Variants in GAS7 observed in about 807,000 individuals in gnomAD.
GAS7 encodes growth arrest-specific protein 7.
Under a neutral mutation model 71.1 loss-of-function variants are expected in GAS7, and 28 were observed. The ratio of observed to expected loss-of-function variants is 0.39; its 90% CI spans 0.29 to 0.54. The LOEUF (loss-of-function observed/expected upper bound fraction) is 0.54. Ranked by LOEUF, GAS7 falls within the 20% of genes least tolerant of loss-of-function variation. The pLI, the probability that GAS7 is intolerant of heterozygous loss-of-function variation, is 0.62. For synonymous variants in GAS7, 258 were observed against 245.8 expected, an observed-to-expected ratio of 1.05 and a Z score of -0.46; for missense variants, 436 against 627.8, an observed-to-expected ratio of 0.69 and a Z score of 3.27.
chr17:9,934,804 T>C (rs1044851643), intron 8 of GAS7, among the ~76,000 whole-genome samples: 17 of 152,360 alleles, frequency 1.1e-4, no homozygotes, highest in Non-Finnish European at 2.2e-4. Flanking sequence ...GGCGCGATCT[T>C]GGCTCATGGC....
intron 13 of GAS7, among the ~76,000 whole-genome samples, 195 bp from the exon 14 acceptor site, chr17:9,917,536 G>A (rs1473004683): frequency 2.0e-5 from 3 of 152,176 alleles, no homozygotes; most frequent in Non-Finnish European, 4.4e-5. Context: ...TATGCATCCC[G>A]ACCCTGCTTC....
At position 9,958,941 on chromosome 17, in the gene GAS7, G is replaced by GA. The variant is rs1056620830; in HGVS notation, c.525+260dup. 45 of 1,379,160 alleles carry GA rather than the reference G, an allele frequency of 3.3e-5. No individual in the cohort carries two copies. In the African/African-American group the frequency reaches 4.2e-4, roughly 13 times the overall value. 85.4% of individuals were successfully genotyped at this position (1,379,160 alleles called of 1,614,324 possible). A position where few individuals can be genotyped will look rare whatever the true frequency, so the allele number is the denominator to read the frequency against. ...CACGCATACCTTCCCCTCCTGCCCT[G>GA]AAAAAACGGCTTCTGCATCATCCCA... On this transcript the variant is annotated intron_variant, in intron 5 of 13. Transcript: ENST00000432992.
chr17:10,045,534 T>C (rs7224390), intron 1 of GAS7, among the ~76,000 whole-genome samples: 17,293 of 152,064 alleles, frequency 0.11, 1,159 homozygotes, highest in Middle Eastern at 0.17. Context: ...CCGTCTCTAC[T>C]AAAAATATAA....
intron 1 of GAS7, among the ~76,000 whole-genome samples, chr17:10,095,911 A>C (rs567336085): frequency 2.0e-5 from 3 of 152,166 alleles, no homozygotes; most frequent in African/African-American, 7.2e-5. Context: ...CTTCCTTTGC[A>C]GAATGACGTG....
At chr17:9,991,596 C>T (rs992927394) in intron 2 of GAS7, among the ~76,000 whole-genome samples, 14 of 152,004 alleles carry the variant, frequency 9.2e-5, no homozygotes, top group South Asian at 2.1e-4. Context: ...TTCGAAGGGT[C>T]GCAGGGAGTA....
At chr17:9,933,209 GAATA>G (rs979010622) in intron 9 of GAS7, among the ~76,000 whole-genome samples, 15 of 151,988 alleles carry the variant, frequency 9.9e-5, no homozygotes, top group Middle Eastern at 3.2e-3. Context: ...ATAAATAAAT[GAATA>G]AATAAATAAA....
At chr17:10,104,231 G>C (rs550434645) in intron 1 of GAS7, among the ~76,000 whole-genome samples, 6 of 152,034 alleles carry the variant, frequency 3.9e-5, no homozygotes, top group Non-Finnish European at 8.8e-5. Context: ...CCAAATCCAA[G>C]GGCATCTGTC....
intron 5 of GAS7, among the ~76,000 whole-genome samples, chr17:9,949,539 G>A (rs2068921654): frequency 6.6e-6 from 1 of 152,134 alleles, no homozygotes; most frequent in Non-Finnish European, 1.5e-5. Context: ...AGCTGCCAGG[G>A]CACAGACCTC....
intron 3 of GAS7, among the ~76,000 whole-genome samples, chr17:9,973,966 G>A (rs193168844): frequency 2.4e-4 from 36 of 152,220 alleles, no homozygotes; most frequent in African/African-American, 7.9e-4. Context: ...AGCTCCTGAG[G>A]AGACCCTGAC....
At chr17:10,091,053 G>A (rs2073576936) in intron 1 of GAS7, among the ~76,000 whole-genome samples, 2 of 152,076 alleles carry the variant, frequency 1.3e-5, no homozygotes, top group South Asian at 4.2e-4. Flanking sequence ...CCCCTACCAA[G>A]GGCCACGCAC....
intron 1 of GAS7, among the ~76,000 whole-genome samples, chr17:10,191,058 C>T (rs1401658139): frequency 6.6e-6 from 1 of 151,752 alleles, no homozygotes; most frequent in East Asian, 2.0e-4. Flanking sequence ...GCCCGTAATC[C>T]CAGCTACCCA....
At chr17:10,062,694 T>C in intron 1 of GAS7, among the ~76,000 whole-genome samples, 1 of 152,242 alleles carries the variant, frequency 6.6e-6, no homozygotes, top group East Asian at 1.9e-4. Flanking sequence ...CAGCTAATTC[T>C]GCTTTGCTGG....
At chr17:9,950,749 G>A (rs533505354) in intron 5 of GAS7, among the ~76,000 whole-genome samples, 14 of 152,110 alleles carry the variant, frequency 9.2e-5, no homozygotes, top group Non-Finnish European at 1.8e-4. Context: ...CCAGCTACTC[G>A]AGAGGCTGAG....
intron 1 of GAS7, among the ~76,000 whole-genome samples, chr17:10,187,484 G>A (rs4791935): frequency 0.45 from 67,690 of 151,960 alleles, 15,573 homozygotes; most frequent in African/African-American, 0.55. Context: ...AGCCCTGAAC[G>A]GCATTACTTA....
chr17:10,041,228 C>T (rs1474375516), intron 1 of GAS7, among the ~76,000 whole-genome samples: 2 of 151,826 alleles, frequency 1.3e-5, no homozygotes, highest in Admixed American at 6.6e-5. Flanking sequence ...AAGACCTTCA[C>T]CTTCAGTCCT....
In GAS7 at chr17:9,911,772, A is replaced by C. The variant is rs189179019; in HGVS notation, c.*5456T>G. 1.5e-3 allele frequency: 351 copies of C among 231,320 alleles called. No homozygotes were observed. The highest frequency in any genetic ancestry group is 2.6e-3 in the Middle Eastern group (2 of 776). The allele number at this position is 231,320 out of a possible 1,614,324, so 14.3% of individuals were successfully genotyped here. A position where few individuals can be genotyped will look rare whatever the true frequency, so the allele number is the denominator to read the frequency against. On this transcript the variant is annotated 3_prime_UTR_variant, in exon 14 of 14. Coordinates refer to ENST00000432992, the MANE Select transcript of GAS7 (RefSeq NM_201433.2). This position sits in a 1 kb window ranked among gnomAD's most constrained non-coding sequence, Gnocchi z 4.0. ...CTCAGGCTTCCTGGCCCTAATCTTC[A>C]CCTGGCCTGGATCCAGAAATGTCTC...
chr17:10,012,606 G>A (rs1410645242), intron 2 of GAS7, among the ~76,000 whole-genome samples: 1 of 152,052 alleles, frequency 6.6e-6, no homozygotes, highest in East Asian at 1.9e-4. Flanking sequence ...ATCATAAATG[G>A]AGCAAAAAAT....
At chr17:10,114,586 A>C (rs904619784) in intron 1 of GAS7, 4 of 152,016 alleles carry the variant, frequency 2.6e-5, no homozygotes, top group Non-Finnish European at 4.4e-5. Flanking sequence ...TCTGATAATC[A>C]CTATGGACAC....
Position 9,987,124 on chromosome 17 carries a change from C to T in GAS7, c.305-5240G>A, listed in dbSNP as rs550911592. ...GGCCTCAAGAGATGCTGGATTGAGA[C>T]CCTTCTGCATTCTCTGGACGTCCAT... On this transcript the variant is annotated intron_variant, in intron 2 of 13. Coordinates refer to ENST00000432992, the MANE Select transcript of GAS7 (RefSeq NM_201433.2). 3.3e-5 allele frequency among the ~76,000 whole-genome samples: 5 copies of T among 152,346 alleles called. No homozygotes were observed. In the South Asian group the frequency reaches 1.0e-3, roughly 32 times the overall value.
Sources: allele counts gnomAD v4.1 joint callset (sites outside exome capture counted in the v4.1 genomes callset), GRCh38; gene constraint gnomAD v4.1.1; non-coding constraint Gnocchi (gnomAD v3.1); transcripts MANE v1.5; gene names NCBI Gene and HGNC (gene_info 2026-07-23, HGNC 2026-07-21).